The following PRKG1 variants were observed in gnomAD, a reference collection of about 807,000 sequenced individuals.
PRKG1 encodes protein kinase cGMP-dependent 1.
Under a neutral mutation model 88.1 loss-of-function variants are expected in PRKG1, and 35 were observed. That is an observed-to-expected ratio of 0.40 (90% confidence interval 0.30 to 0.53). PRKG1 has a LOEUF of 0.53. Ranked by LOEUF, PRKG1 falls within the 20% of genes least tolerant of loss-of-function variation. PRKG1 has a pLI of 0.59. For synonymous variants in PRKG1, 303 were observed against 292.5 expected, an observed-to-expected ratio of 1.04 and a Z score of -0.37; for missense variants, 540 against 839.8, an observed-to-expected ratio of 0.64 and a Z score of 4.41.
At chr10:51,852,564 T>C (rs1308722482) in intron 4 of PRKG1, among the ~76,000 whole-genome samples, 2 of 152,162 alleles carry the variant, frequency 1.3e-5, no homozygotes, top group Non-Finnish European at 2.9e-5. Context: ...GGTGAGTACC[T>C]GAGCCAAAAG....
intron 2 of PRKG1, among the ~76,000 whole-genome samples, chr10:51,374,377 G>T (rs990555582): frequency 6.6e-6 from 1 of 151,672 alleles, no homozygotes; most frequent in Non-Finnish European, 1.5e-5. Context: ...TGCTGAGAAT[G>T]ATGATTTCCA....
intron 8 of PRKG1, among the ~76,000 whole-genome samples, chr10:52,156,104 CAG>C (rs1195309922): frequency 1.3e-5 from 2 of 151,806 alleles, no homozygotes; most frequent in African/African-American, 4.8e-5. Context: ...CCATGATAGA[CAG>C]GGGGATATTA....
At chr10:52,262,981 G>C (rs994084351) in intron 10 of PRKG1, among the ~76,000 whole-genome samples, 3 of 152,072 alleles carry the variant, frequency 2.0e-5, no homozygotes, top group East Asian at 3.9e-4. Context: ...ATCCTTGGTT[G>C]TTTGAATGTG....
intron 2 of PRKG1, among the ~76,000 whole-genome samples, chr10:51,228,639 T>C (rs1838756707): frequency 6.6e-6 from 1 of 152,180 alleles, no homozygotes; most frequent in Admixed American, 6.5e-5. Context: ...GCATCAGGTG[T>C]GGTTTTTAGG....
intron 3 of PRKG1, among the ~76,000 whole-genome samples, chr10:51,787,222 A>C (rs1056022553): frequency 2.0e-4 from 31 of 152,302 alleles, no homozygotes; most frequent in African/African-American, 7.5e-4. Context: ...AAAGCCTTTT[A>C]AGTAAAGCCC....
intron 8 of PRKG1, among the ~76,000 whole-genome samples, chr10:52,140,371 C>T (rs1837543146): frequency 6.6e-6 from 1 of 152,090 alleles, no homozygotes; most frequent in Admixed American, 6.6e-5. Flanking sequence ...GTCTGTTTGT[C>T]TTCCAAACAC....
chr10:51,522,046 T>A (rs1036188836), intron 3 of PRKG1, among the ~76,000 whole-genome samples: 9 of 152,206 alleles, frequency 5.9e-5, no homozygotes, highest in African/African-American at 2.2e-4. Context: ...CTTTTTGGAT[T>A]ATTATTTTCA....
intron 9 of PRKG1, among the ~76,000 whole-genome samples, chr10:52,215,477 A>G (rs1041770776): frequency 2.0e-5 from 3 of 152,068 alleles, no homozygotes; most frequent in African/African-American, 7.2e-5. Flanking sequence ...AGGCATTTAG[A>G]TAGTTAAAGC....
Position 52,007,320 on chromosome 10 carries a change from G to A in PRKG1, c.763-47164G>A, listed in dbSNP as rs187546553. 5.0e-3 allele frequency among the ~76,000 whole-genome samples: 763 copies of A among 152,268 alleles called. 2 individuals are homozygous for A. The highest frequency in any genetic ancestry group is 0.034 in the Middle Eastern group (10 of 294). On this transcript the variant is annotated intron_variant, in intron 5 of 17. Transcript: ENST00000373980. ...ACAGGCTAAATGCCCCCATTTAAAAGGCACAGAGTGGCAAGGTGGATAAAG... is the reference window on the plus strand; with the variant it reads ...ACAGGCTAAATGCCCCCATTTAAAAAGCACAGAGTGGCAAGGTGGATAAAG...
chr10:51,764,627 C>T (rs141541608), intron 3 of PRKG1, among the ~76,000 whole-genome samples: 27 of 152,232 alleles, frequency 1.8e-4, no homozygotes, highest in African/African-American at 6.0e-4. Context: ...TGTGTGCTTT[C>T]CATAGTATGG....
chr10:51,553,913 G>A (rs1004007204), intron 3 of PRKG1, among the ~76,000 whole-genome samples: 4 of 131,414 alleles, frequency 3.0e-5, no homozygotes, highest in Admixed American at 7.8e-5. Context: ...TATTAGATAC[G>A]TGTATATAAT....
At chr10:51,458,140 G>GA (rs1253238802) in intron 2 of PRKG1, among the ~76,000 whole-genome samples, 1 of 152,090 alleles carries the variant, frequency 6.6e-6, no homozygotes, top group Non-Finnish European at 1.5e-5. Context: ...CATAAAATGG[G>GA]AAAAAATACA....
At chr10:51,090,790 G>T (rs916388870) in intron 1 of PRKG1, among the ~76,000 whole-genome samples, 3 of 152,128 alleles carry the variant, frequency 2.0e-5, no homozygotes, top group Admixed American at 2.0e-4. Flanking sequence ...AAGACCCACT[G>T]CTTTAATGAT....
At chr10:51,937,077 CTA>C (rs1165854416) in intron 5 of PRKG1, among the ~76,000 whole-genome samples, 4 of 151,964 alleles carry the variant, frequency 2.6e-5, no homozygotes, top group African/African-American at 9.7e-5. Context: ...GCTTTACACT[CTA>C]GAGTTGGAAA....
chr10:51,838,327 A>G (rs1840181690), intron 4 of PRKG1, among the ~76,000 whole-genome samples: 1 of 152,160 alleles, frequency 6.6e-6, no homozygotes, highest in Non-Finnish European at 1.5e-5. Context: ...GAGCCACTCA[A>G]TGTAGCTAAA....
intron 2 of PRKG1, among the ~76,000 whole-genome samples, chr10:51,292,416 T>C (rs1253012388): frequency 1.3e-5 from 2 of 152,198 alleles, no homozygotes; most frequent in African/African-American, 2.4e-5. Context: ...AGGCCTGCTA[T>C]TTAAATGAAC....
chr10:51,078,749 T>C (rs976683538), intron 1 of PRKG1, among the ~76,000 whole-genome samples: 1 of 151,884 alleles, frequency 6.6e-6, no homozygotes, highest in Non-Finnish European at 1.5e-5. Flanking sequence ...CCTGAGTAGC[T>C]GGGACTACAG....
chr10:51,293,322 T>C (rs1458104530), intron 2 of PRKG1, among the ~76,000 whole-genome samples: 1 of 152,150 alleles, frequency 6.6e-6, no homozygotes, highest in African/African-American at 2.4e-5. Context: ...ATCCATATCA[T>C]ATGCATCTTG....
intron 1 of PRKG1, among the ~76,000 whole-genome samples, chr10:51,090,839 C>T (rs545666280): frequency 2.0e-5 from 3 of 152,278 alleles, no homozygotes; most frequent in Non-Finnish European, 4.4e-5. Context: ...AGAAAAGTGG[C>T]TTCTCTGTTT....
Sources: allele counts gnomAD v4.1 joint callset (sites outside exome capture counted in the v4.1 genomes callset), GRCh38; gene constraint gnomAD v4.1.1; transcripts MANE v1.5; gene names NCBI Gene and HGNC (gene_info 2026-07-23, HGNC 2026-07-21).